Variants in SGCZ observed in about 807,000 individuals in gnomAD.
SGCZ encodes sarcoglycan zeta.
Under a neutral mutation model 41.3 loss-of-function variants are expected in SGCZ, and 40 were observed. The ratio of observed to expected loss-of-function variants is 0.97; its 90% CI spans 0.75 to 1.26. SGCZ has a LOEUF of 1.26. SGCZ is among the 50% of genes most tolerant of loss of function. The pLI is 0.00. For synonymous variants in SGCZ, 206 were observed against 137.5 expected (o/e 1.50, Z -3.49); for missense variants, 552 against 369.8 (o/e 1.49, Z -4.04).
At chr8:14,596,401 C>A (rs531863434) in intron 1 of SGCZ, among the ~76,000 whole-genome samples, 4 of 151,926 alleles carry the variant, frequency 2.6e-5, no homozygotes, top group East Asian at 1.9e-4. Flanking sequence ...ATTTATCACT[C>A]GGCAATAAAA....
intron 1 of SGCZ, among the ~76,000 whole-genome samples, chr8:14,942,193 C>T (rs755996603): frequency 3.4e-4 from 52 of 152,040 alleles, no homozygotes; most frequent in African/African-American, 1.2e-3. Context: ...ACTCAGTCCC[C>T]GTACAGAAAA....
chr8:14,107,658 A>G (rs1802247733), intron 6 of SGCZ, among the ~76,000 whole-genome samples: 1 of 152,062 alleles, frequency 6.6e-6, no homozygotes, highest in South Asian at 2.1e-4. Flanking sequence ...TTGTTTTTAC[A>G]GATGGGGTCT....
chr8:14,540,161 G>A (rs985329318), intron 2 of SGCZ, among the ~76,000 whole-genome samples: 3 of 146,002 alleles, frequency 2.1e-5, no homozygotes, highest in Admixed American at 1.4e-4. Flanking sequence ...AATGCTTTTC[G>A]TTCAAAGATT....
intron 2 of SGCZ, among the ~76,000 whole-genome samples, chr8:14,363,282 A>G (rs1276807419): frequency 6.6e-6 from 1 of 152,138 alleles, no homozygotes; most frequent in Non-Finnish European, 1.5e-5. Flanking sequence ...GCAGTCATAT[A>G]CTCTGTGATT....
At position 14,759,600 on chromosome 8, in the gene SGCZ, A is replaced by G. The variant is rs191576034; in HGVS notation, c.40-204674T>C. The stretch of plus-strand genomic sequence containing the variant: ...AGATACGCTATTAAGATTCATAGAG[A>G]GTCTATTACTGGACTTGATTACCTT... On this transcript the variant is annotated intron_variant, in intron 1 of 7. Transcript: ENST00000382080. Among the ~76,000 whole-genome samples the G allele has an allele frequency of 2.5e-3, 379 of 152,288 alleles. 2 individuals carry two copies. The highest frequency in any genetic ancestry group is 8.7e-3 in the African/African-American group (362 of 41,558).
At chr8:14,774,731 A>C (rs960986282) in intron 1 of SGCZ, among the ~76,000 whole-genome samples, 2 of 152,226 alleles carry the variant, frequency 1.3e-5, no homozygotes, top group African/African-American at 4.8e-5. Context: ...TAATTGAACC[A>C]ATGATCTTCA....
chr8:15,175,516 C>T (rs1342764709), intron 1 of SGCZ, among the ~76,000 whole-genome samples: 1 of 151,944 alleles, frequency 6.6e-6, no homozygotes, highest in Non-Finnish European at 1.5e-5. Flanking sequence ...AGTGGAGCTA[C>T]ACACACTGGG....
Position 14,090,355 on chromosome 8 carries a change from G to A in SGCZ, c.*88C>T. 6 of 1,423,778 alleles carry A rather than the reference G, an allele frequency of 4.2e-6. No individual in the cohort carries two copies. The highest frequency in any genetic ancestry group is 2.3e-4 in the Middle Eastern group (1 of 4,274). The allele number at this position is 1,423,778 out of a possible 1,614,324, so 88.2% of individuals were successfully genotyped here. On this transcript the variant is annotated 3_prime_UTR_variant, in exon 8 of 8. Transcript: ENST00000382080. The stretch of plus-strand genomic sequence containing the variant: ...TCTGTGGACCATTCGAAGAAGCTCT[G>A]GACTGATCACAAGGGAAACCGAGCA...
chr8:14,400,532 C>T (rs76466457), intron 2 of SGCZ, among the ~76,000 whole-genome samples: 6,137 of 152,184 alleles, frequency 0.04, 389 homozygotes, highest in African/African-American at 0.14. Flanking sequence ...TCCCACTGGG[C>T]ATTCTATTCC....
intron 1 of SGCZ, among the ~76,000 whole-genome samples, chr8:15,186,239 G>A (rs1470993044): frequency 1.6e-5 from 2 of 125,650 alleles, no homozygotes; most frequent in Admixed American, 9.2e-5. Context: ...TCCAGCCTGG[G>A]CAACAGAGGG....
At chr8:14,443,538 C>T (rs2117376943) in intron 2 of SGCZ, among the ~76,000 whole-genome samples, 1 of 152,192 alleles carries the variant, frequency 6.6e-6, no homozygotes, top group African/African-American at 2.4e-5. Context: ...TTTGACAAAC[C>T]TGAGAAAAAC....
At chr8:14,580,321 T>A (rs746899589) in intron 1 of SGCZ, among the ~76,000 whole-genome samples, 6 of 152,230 alleles carry the variant, frequency 3.9e-5, no homozygotes, top group Non-Finnish European at 5.9e-5. Flanking sequence ...CTACTCTGAT[T>A]TTTCAGTTAT....
chr8:14,115,574 T>A (rs1310018321), intron 5 of SGCZ, among the ~76,000 whole-genome samples: 2 of 152,044 alleles, frequency 1.3e-5, no homozygotes, highest in Non-Finnish European at 2.9e-5. Flanking sequence ...TATTTTGTCT[T>A]AAGATTTGGA....
chr8:14,347,034 T>A (rs1802911380), intron 2 of SGCZ, among the ~76,000 whole-genome samples: 1 of 152,106 alleles, frequency 6.6e-6, no homozygotes, highest in Non-Finnish European at 1.5e-5. Context: ...TCAAGAAAAC[T>A]AATGCATCTG....
intron 5 of SGCZ, among the ~76,000 whole-genome samples, chr8:14,114,859 T>C (rs1042936076): frequency 2.0e-5 from 3 of 151,992 alleles, no homozygotes; most frequent in Non-Finnish European, 2.9e-5. Flanking sequence ...GGAAAAGCTC[T>C]TCATTTATTA....
chr8:14,237,588 T>A lies in SGCZ; in HGVS notation c.424+4A>T. Reference sequence around the variant, plus strand: ...AGGAGCAATCTTTACCCCAAAACACTCACCTATGGTCAGCTGTCCGGTTAA... The same window carrying A: ...AGGAGCAATCTTTACCCCAAAACACACACCTATGGTCAGCTGTCCGGTTAA... On this transcript the variant is annotated splice_donor_region_variant and intron_variant, in intron 4 of 7. Coordinates refer to ENST00000382080, the MANE Select transcript of SGCZ (RefSeq NM_139167.4). The A allele has an allele frequency of 6.2e-7, 1 of 1,612,662 alleles. No individual in the cohort carries two copies. The highest frequency in any genetic ancestry group is 8.5e-7 in the Non-Finnish European group (1 of 1,179,224).
At chr8:15,180,119 C>G (rs1439294502) in intron 1 of SGCZ, among the ~76,000 whole-genome samples, 1 of 152,118 alleles carries the variant, frequency 6.6e-6, no homozygotes, top group African/African-American at 2.4e-5. Flanking sequence ...TTATAGAAAT[C>G]AAGGAAAACC....
intron 1 of SGCZ, among the ~76,000 whole-genome samples, chr8:14,559,338 G>T (rs187678565): frequency 6.6e-6 from 1 of 152,178 alleles, no homozygotes; most frequent in African/African-American, 2.4e-5. Context: ...CACCAACAGT[G>T]ACCAAGCTGA....
intron 2 of SGCZ, among the ~76,000 whole-genome samples, chr8:14,375,008 T>C (rs1476585129): frequency 2.0e-5 from 3 of 152,140 alleles, no homozygotes; most frequent in Non-Finnish European, 4.4e-5. Flanking sequence ...GTTCTAGGTA[T>C]GACTATGTGG....
Sources: allele counts gnomAD v4.1 joint callset (sites outside exome capture counted in the v4.1 genomes callset), GRCh38; gene constraint gnomAD v4.1.1; transcripts MANE v1.5; gene names NCBI Gene and HGNC (gene_info 2026-07-23, HGNC 2026-07-21).